CNBD2: variants seen among roughly 807,000 people sequenced by gnomAD.
CNBD2 encodes the protein cyclic nucleotide-binding domain-containing protein 2.
In CNBD2, 64 loss-of-function variants were observed where a neutral mutation model predicts 63.7. That is an observed-to-expected ratio of 1.00 (90% CI 0.82 to 1.24). CNBD2 has a LOEUF of 1.24. CNBD2 is among the 50% of genes most tolerant of loss of function. CNBD2 has a pLI of 0.00. For missense variants in CNBD2, 691 were observed against 713.5 expected (o/e 0.97, Z 0.36); for synonymous variants, 229 against 255.4 (o/e 0.90, Z 0.99).
chr20:36,006,254 T>C (rs2056983850), intron 8 of CNBD2, among the ~76,000 whole-genome samples: 1 of 151,980 alleles, frequency 6.6e-6, no homozygotes, highest in Non-Finnish European at 1.5e-5. Context: ...GGTCTCGAAC[T>C]CCTGACCTCT....
At chr20:36,016,601 C>T (rs1481625061) in intron 10 of CNBD2, among the ~76,000 whole-genome samples, 1 of 151,960 alleles carries the variant, frequency 6.6e-6, no homozygotes, top group Non-Finnish European at 1.5e-5. Flanking sequence ...ACCAGCCTGG[C>T]CAACATGGTG....
intron 10 of CNBD2, among the ~76,000 whole-genome samples, chr20:36,016,411 G>A (rs188497945): frequency 5.3e-5 from 8 of 152,314 alleles, no homozygotes; most frequent in Admixed American, 2.0e-4. Context: ...ACCAATGTAA[G>A]ATGTGGGAAA....
At chr20:35,968,187 G>A (rs1460463785), upstream of CNBD2, among the ~76,000 whole-genome samples, 1 of 152,170 alleles carries the variant, frequency 6.6e-6, no homozygotes, top group Non-Finnish European at 1.5e-5. Flanking sequence ...TGCAAATTAA[G>A]GGGCAGGTTA....
At chr20:35,977,562 C>T (rs1178052935) in intron 3 of CNBD2, among the ~76,000 whole-genome samples, 1 of 152,080 alleles carries the variant, frequency 6.6e-6, no homozygotes, top group Non-Finnish European at 1.5e-5. Context: ...CCTGTGATCC[C>T]AGAATTTTGG....
At chr20:36,019,541 A>G (rs1568926243) in intron 10 of CNBD2, among the ~76,000 whole-genome samples, 1 of 151,128 alleles carries the variant, frequency 6.6e-6, no homozygotes, top group Non-Finnish European at 1.5e-5. Context: ...AAAAAAAAAA[A>G]AAAAAAAAAA....
Position 35,995,075 on chromosome 20 carries a change from C to T in CNBD2, c.893C>T (p.Ala298Val). The T allele has an allele frequency of 6.2e-7, 1 of 1,614,094 alleles. No homozygotes were observed. Among genetic ancestry groups the T allele is most frequent in the Middle Eastern group, 1.6e-4 (1 of 6,062 alleles). ...GTCCTGCGGCTGTTGGACCTTGGGG[C>T]CTCCCCTTCCTACCGTAGATGGATC... Reference protein sequence around the residue: ...CEVLRLLDLGASPSYRRWIWQ... With the variant: ...CEVLRLLDLGVSPSYRRWIWQ... Residue 298 changes from alanine to valine, a missense_variant, in exon 8 of 12, where the codon GCC (alanine) becomes GTC (valine). Ala to Val is a moderately conservative substitution (Grantham distance 64). Transcript: ENST00000373973.
At chr20:36,023,498 A>C in intron 10 of CNBD2, 104 bp from the exon 11 acceptor site, 2 of 1,076,982 alleles carry the variant, frequency 1.9e-6, no homozygotes, top group Non-Finnish European at 2.6e-6. Context: ...GGGCAACAAC[A>C]GCGAAACTCC....
intron 10 of CNBD2, among the ~76,000 whole-genome samples, chr20:36,011,507 AAACCCT>A: frequency 6.6e-6 from 1 of 152,128 alleles, no homozygotes; most frequent in South Asian, 2.1e-4. Context: ...CAACATGGTG[AAACCCT>A]GTCTCTACTA....
chr20:35,956,572 CTTTT>C (rs1372554746), downstream of CNBD2, among the ~76,000 whole-genome samples: 1 of 152,196 alleles, frequency 6.6e-6, no homozygotes, highest in Non-Finnish European at 1.5e-5. Context: ...ATTTTTCTCT[CTTTT>C]CTTTTTAGAG....
At chr20:36,008,883 C>CCAGCCTAGGCAA (rs1316935811) in intron 9 of CNBD2, among the ~76,000 whole-genome samples, 3 of 151,572 alleles carry the variant, frequency 2.0e-5, no homozygotes, top group Non-Finnish European at 4.4e-5. Flanking sequence ...TGGAATTAAG[C>CCAGCCTAGGCAA]CTGGCTTGGC....
chr20:36,007,309 C>T (rs575646392), intron 8 of CNBD2, among the ~76,000 whole-genome samples: 18 of 152,026 alleles, frequency 1.2e-4, no homozygotes, highest in East Asian at 1.9e-4. Flanking sequence ...ATATTTCCTT[C>T]GAGTTTTTTT....
In CNBD2 at chr20:35,975,965, G is replaced by A. The variant is rs138922540; in HGVS notation, c.206G>A (p.Arg69Gln). The change falls in exon 3 of 12, where the codon CGA (arginine) becomes CAA (glutamine). Residue 69 changes from arginine to glutamine, a missense_variant. Physicochemically the swap from Arg to Gln is conservative, Grantham distance 43. Coordinates refer to ENST00000373973, the MANE Select transcript of CNBD2 (RefSeq NM_001365709.1). ...FSFWDKKMQS[R>Q]VTFDTMDFIA... Reference sequence around the variant, plus strand: ...TTCTTTCAGAAAAAGATGCAAAGCCGAGTCACATTTGATACCATGGACTTC... The same window carrying A: ...TTCTTTCAGAAAAAGATGCAAAGCCAAGTCACATTTGATACCATGGACTTC... 1.1e-4 allele frequency: 184 copies of A among 1,612,990 alleles called. No individual in the cohort carries two copies. The highest frequency in any genetic ancestry group is 2.7e-5 in the African/African-American group (2 of 74,902).
At chr20:36,015,592 G>A (rs2057122638) in intron 10 of CNBD2, among the ~76,000 whole-genome samples, 1 of 152,162 alleles carries the variant, frequency 6.6e-6, no homozygotes, top group African/African-American at 2.4e-5. Flanking sequence ...CAGAAAGTAA[G>A]GAAGAGCTAG....
intron 7 of CNBD2, among the ~76,000 whole-genome samples, chr20:35,992,323 C>T (rs912912952): frequency 1.3e-5 from 2 of 152,178 alleles, no homozygotes; most frequent in African/African-American, 4.8e-5. Flanking sequence ...GAACCCCTGA[C>T]CTAAGGGAGG....
chr20:36,014,087 G>A (rs1211285456), intron 10 of CNBD2, among the ~76,000 whole-genome samples: 1 of 151,228 alleles, frequency 6.6e-6, no homozygotes, highest in South Asian at 2.1e-4. Flanking sequence ...GGAGGCTGAG[G>A]CAGGAGAATG....
intron 1 of CNBD2, among the ~76,000 whole-genome samples, chr20:35,970,531 G>A (rs2056397988): frequency 6.6e-6 from 1 of 151,908 alleles, no homozygotes; most frequent in Admixed American, 6.6e-5. Flanking sequence ...TGAGTAGCTG[G>A]GATTACAGGC....
At chr20:36,022,699 T>A (rs1048760848) in intron 10 of CNBD2, among the ~76,000 whole-genome samples, 1 of 151,792 alleles carries the variant, frequency 6.6e-6, no homozygotes, top group Non-Finnish European at 1.5e-5. Context: ...GGCGCGATCT[T>A]GGCTCACTGC....
At chr20:36,027,856 G>T (rs1568936662) in intron 11 of CNBD2, among the ~76,000 whole-genome samples, 1 of 151,916 alleles carries the variant, frequency 6.6e-6, no homozygotes. Flanking sequence ...AGTAGAGATG[G>T]GGTTTCACCA....
At chr20:36,020,845 A>G (rs1051954974) in intron 10 of CNBD2, among the ~76,000 whole-genome samples, 8 of 152,144 alleles carry the variant, frequency 5.3e-5, no homozygotes, top group African/African-American at 2.4e-5. Flanking sequence ...CACATGTGCC[A>G]TCTCGTGTAG....
Sources: allele counts gnomAD v4.1 joint callset (sites outside exome capture counted in the v4.1 genomes callset), GRCh38; gene constraint gnomAD v4.1.1; transcripts MANE v1.5; gene names NCBI Gene and HGNC (gene_info 2026-07-23, HGNC 2026-07-21).